The following MAP4K3 variants were observed in gnomAD, a reference collection of about 807,000 sequenced individuals.
MAP4K3 encodes the protein mitogen-activated protein kinase kinase kinase kinase 3, also known as MAPK/ERK kinase kinase kinase 3.
A neutral mutation model predicts 143.5 loss-of-function variants in MAP4K3; 94 were observed. The observed-to-expected ratio is 0.65, with a 90% confidence interval of 0.55 to 0.78. MAP4K3 has a LOEUF of 0.78. Ranked by LOEUF, MAP4K3 falls within the 30% of genes least tolerant of loss-of-function variation. The probability of loss-of-function intolerance (pLI) is 0.00; values close to 1 mark genes in which losing one functional copy is unlikely to be tolerated. For missense variants in MAP4K3, 1,077 were observed against 1,068.1 expected (o/e 1.01, Z -0.12); for synonymous variants, 416 against 347.2 (o/e 1.20, Z -2.20).
intron 1 of MAP4K3, among the ~76,000 whole-genome samples, chr2:39,424,599 G>A (rs184644385): frequency 6.6e-6 from 1 of 152,148 alleles, no homozygotes; most frequent in Non-Finnish European, 1.5e-5. Flanking sequence ...GGAGGTTGAG[G>A]TGGGAGGATT....
chr2:39,326,038 T>G, intron 9 of MAP4K3, 77 bp from the exon 10 acceptor site: 1 of 1,502,892 alleles, frequency 6.7e-7, no homozygotes, highest in East Asian at 2.3e-5. Context: ...TATTACTATT[T>G]GTTCCCCAAA....
intron 16 of MAP4K3, among the ~76,000 whole-genome samples, chr2:39,297,409 T>A (rs1345831984): frequency 2.0e-5 from 3 of 152,202 alleles, no homozygotes; most frequent in Non-Finnish European, 4.4e-5. Flanking sequence ...TGAGTCACCA[T>A]GCCCGGCCTA....
rs1680803413 is a variant in MAP4K3, at chr2:39,267,254, G to A, written c.1974-7C>T. ...TGCTGATACAGAAAATTTCCTAAAT[G>A]TAAATAAAAGTGAGTACGTAATATA... On this transcript the variant is annotated splice_polypyrimidine_tract_variant and splice_region_variant and intron_variant, in intron 26 of 33. Transcript: ENST00000263881. 2 of 1,609,500 alleles carry A rather than the reference G, an allele frequency of 1.2e-6. No homozygotes were observed. Among genetic ancestry groups the A allele is most frequent in the Non-Finnish European group, 1.7e-6 (2 of 1,176,034 alleles).
intron 1 of MAP4K3, among the ~76,000 whole-genome samples, chr2:39,419,200 T>A (rs1667478590): frequency 6.6e-6 from 1 of 152,162 alleles, no homozygotes; most frequent in African/African-American, 2.4e-5. Context: ...CAACTAATTT[T>A]ATCATGTATT....
intron 1 of MAP4K3, among the ~76,000 whole-genome samples, chr2:39,387,495 G>A (rs1329047278): frequency 6.6e-6 from 1 of 152,172 alleles, no homozygotes; most frequent in Non-Finnish European, 1.5e-5. Context: ...AGTGATAACT[G>A]CATTAGACAG....
In MAP4K3 at chr2:39,389,957, G is replaced by A. The variant is rs183096447; in HGVS notation, c.97-11834C>T. ...ATACCATGGAAATAGGAAGGTGGAA[G>A]TACAATTAAATTGCTCTGAAGACTT... On this transcript the variant is annotated intron_variant, in intron 1 of 33. Transcript: ENST00000263881. Among the ~76,000 whole-genome samples, 59 of 152,296 alleles carry A rather than the reference G, an allele frequency of 3.9e-4. 2 individuals are homozygous for A. Among genetic ancestry groups the A allele is most frequent in the South Asian group, 2.9e-3 (14 of 4,826 alleles).
intron 1 of MAP4K3, among the ~76,000 whole-genome samples, chr2:39,436,279 C>T (rs994778799): frequency 6.7e-6 from 1 of 150,238 alleles, no homozygotes; most frequent in African/African-American, 2.5e-5. Context: ...AATGGCATCG[C>T]AGTCCAATTC....
chr2:39,430,781 C>T (rs972711263), intron 1 of MAP4K3, among the ~76,000 whole-genome samples: 4 of 152,192 alleles, frequency 2.6e-5, no homozygotes, highest in Admixed American at 6.5e-5. Flanking sequence ...ATTAACCCTA[C>T]TGATTAGATT....
intron 31 of MAP4K3, among the ~76,000 whole-genome samples, chr2:39,256,506 A>G (rs1680347497): frequency 6.6e-6 from 1 of 152,308 alleles, no homozygotes; most frequent in Admixed American, 6.5e-5. Flanking sequence ...TCTACTGAAG[A>G]GTTACATGAT....
chr2:39,426,021 A>C (rs1305627145), intron 1 of MAP4K3, among the ~76,000 whole-genome samples: 1 of 152,134 alleles, frequency 6.6e-6, no homozygotes. Flanking sequence ...TCTCCCCATA[A>C]TTTACTTATT....
chr2:39,344,716 T>A (rs140540951), intron 3 of MAP4K3, among the ~76,000 whole-genome samples: 45 of 152,214 alleles, frequency 3.0e-4, no homozygotes, highest in African/African-American at 1.1e-3. Flanking sequence ...CCTAGGAAAA[T>A]GAATGGAAAG....
At chr2:39,381,827 C>T (rs951691089) in intron 1 of MAP4K3, among the ~76,000 whole-genome samples, 2 of 152,158 alleles carry the variant, frequency 1.3e-5, no homozygotes, top group African/African-American at 4.8e-5. Context: ...CGCTTTGTTC[C>T]AGCTCCCTCC....
rs1333846595 is a variant in MAP4K3, at chr2:39,361,614, A to T, written c.155-5275T>A. Among the ~76,000 whole-genome samples, 3 of 151,892 alleles carry T rather than the reference A, an allele frequency of 2.0e-5. No homozygotes were observed. In the South Asian group the frequency reaches 6.2e-4, roughly 31 times the overall value. On this transcript the variant is annotated intron_variant, in intron 2 of 33. Transcript: ENST00000263881. ...CAAATTAAATTGTGTACCTAAGAAT[A>T]AGCTTTAAAACCCATAGGCTCCATA...
chr2:39,269,092 T>C (rs1007514179), intron 26 of MAP4K3, among the ~76,000 whole-genome samples: 5 of 141,380 alleles, frequency 3.5e-5, no homozygotes, highest in Non-Finnish European at 1.5e-5. Flanking sequence ...ATTAGATAGA[T>C]GCCAGTGCTC....
chr2:39,376,436 G>T (rs1666220546), intron 2 of MAP4K3, among the ~76,000 whole-genome samples: 1 of 152,032 alleles, frequency 6.6e-6, no homozygotes, highest in South Asian at 2.1e-4. Context: ...ATATACACAT[G>T]GCAGTGTCCA....
intron 15 of MAP4K3, among the ~76,000 whole-genome samples, chr2:39,301,970 G>T (rs1010771703): frequency 6.6e-6 from 1 of 151,884 alleles, no homozygotes; most frequent in Non-Finnish European, 1.5e-5. Context: ...GTTGCAGTGA[G>T]CCAACATTGC....
At chr2:39,394,277 G>A (rs1245404983) in intron 1 of MAP4K3, among the ~76,000 whole-genome samples, 1 of 152,050 alleles carries the variant, frequency 6.6e-6, no homozygotes, top group Admixed American at 6.5e-5. Context: ...TAGTAATCTT[G>A]GGAGAAACAT....
intron 1 of MAP4K3, among the ~76,000 whole-genome samples, chr2:39,405,175 C>G (rs1304310045): frequency 6.6e-6 from 1 of 152,202 alleles, no homozygotes; most frequent in African/African-American, 2.4e-5. Flanking sequence ...CGGGTGGCAA[C>G]AGAGGACCTT....
intron 1 of MAP4K3, among the ~76,000 whole-genome samples, chr2:39,411,837 A>C (rs1468633419): frequency 6.6e-6 from 1 of 152,196 alleles, no homozygotes; most frequent in East Asian, 1.9e-4. Flanking sequence ...ATGGCTACAT[A>C]TCTACATGGT....
Sources: gnomAD v4.1 joint callset for allele counts (sites outside exome capture counted in the v4.1 genomes callset) on GRCh38, gnomAD v4.1.1 for gene constraint, MANE v1.5 for transcripts, NCBI Gene and HGNC (gene_info 2026-07-23, HGNC 2026-07-21) for gene names.